ZNF483: variants seen among roughly 807,000 people sequenced by gnomAD.
ZNF483 encodes the protein zinc finger protein HIT-10.
Under a neutral mutation model 28.6 loss-of-function variants are expected in ZNF483, and 9 were observed. That is an observed-to-expected ratio of 0.32 (90% CI 0.19 to 0.55). The LOEUF is 0.55. Among genes scored for constraint, ZNF483 ranks in the 20% least tolerant of loss-of-function variants. The probability of loss-of-function intolerance (pLI) is 0.93; values close to 1 mark genes in which losing one functional copy is unlikely to be tolerated. For synonymous variants in ZNF483, 322 were observed against 306.2 expected (o/e 1.05, Z -0.54); for missense variants, 675 against 871.7 (o/e 0.77, Z 2.84).
In ZNF483 at chr9:111,563,039, G is replaced by A. The variant is rs886931230; in HGVS notation, c.722-13326G>A. On this transcript the variant is annotated intron_variant, in intron 5 of 5. Coordinates refer to the ZNF483 transcript ENST00000358151. ...GAGTACTATTTCTTAAGACATTTAAGGTAGTATACATTTTTGCTAAATGGT... is the reference window on the plus strand; with the variant it reads ...GAGTACTATTTCTTAAGACATTTAAAGTAGTATACATTTTTGCTAAATGGT... The A allele has an allele frequency of 4.0e-5, 62 of 1,542,618 alleles. No homozygotes were observed. The East Asian group carries it at 1.3e-3, about 32-fold the overall frequency.
Position 111,542,044 on chromosome 9 carries a change from A to G in ZNF483, c.1109A>G (p.His370Arg), listed in dbSNP as rs1338555914. Residue 370 changes from histidine (H) to arginine (R), a missense_variant, in exon 6 of 6, where the codon CAC (histidine) becomes CGC (arginine). By Grantham distance (29) the His-to-Arg change is conservative. Coordinates refer to ENST00000309235, the MANE Select transcript of ZNF483 (RefSeq NM_133464.5). This position sits in a 1 kb window ranked among gnomAD's most constrained non-coding sequence, Gnocchi z 6.2. Reference protein sequence around the residue: ...KSNDGGKVLSHSSALTEHQKR... With the variant: ...KSNDGGKVLSRSSALTEHQKR... ...AATGATGGTGGGAAAGTCCTGAGTCACTCTTCAGCTCTTACTGAACATCAG... is the reference window on the plus strand; with the variant it reads ...AATGATGGTGGGAAAGTCCTGAGTCGCTCTTCAGCTCTTACTGAACATCAG... The G allele has an allele frequency of 6.2e-7, 1 of 1,614,026 alleles. No individual in the cohort carries two copies. Among genetic ancestry groups the G allele is most frequent in the Non-Finnish European group, 8.5e-7 (1 of 1,179,962 alleles).
chr9:111,536,031 GGCAC>G (rs1057109803), intron 5 of ZNF483, among the ~76,000 whole-genome samples: 4 of 146,794 alleles, frequency 2.7e-5, no homozygotes, highest in African/African-American at 1.0e-4. Flanking sequence ...TGGGACTATA[GGCAC>G]GCGCCACCAC....
At chr9:111,564,542 G>GT (rs1162501770) in intron 5 of ZNF483, among the ~76,000 whole-genome samples, 1 of 151,708 alleles carries the variant, frequency 6.6e-6, no homozygotes, top group African/African-American at 2.4e-5. Flanking sequence ...CTAGGCTCAA[G>GT]TGATCCGCCC....
At chr9:111,570,252 G>A (rs1410290986) in intron 5 of ZNF483, 2 of 1,585,078 alleles carry the variant, frequency 1.3e-6, no homozygotes, top group South Asian at 1.2e-5. Flanking sequence ...ATCCAGGGAG[G>A]TGCCCATGGT....
At position 111,543,765 on chromosome 9, in the gene ZNF483, CTTTTTT is replaced by C; in HGVS notation, c.*600_*605del. 2 of 751,780 alleles carry C rather than the reference CTTTTTT, an allele frequency of 2.7e-6. No individual in the cohort carries two copies. The highest frequency in any genetic ancestry group is 3.2e-6 in the Non-Finnish European group (2 of 632,692). The allele number at this position is 751,780 out of a possible 1,614,324, so 46.6% of individuals were successfully genotyped here. ...CTATTCAGGATGCTGGACTTCTTTT[CTTTTTT>C]TTTTCTTTTTTTTTTTTCAATTTTT... On this transcript the variant is annotated 3_prime_UTR_variant, in exon 6 of 6. Transcript: ENST00000309235.
At chr9:111,559,598 T>A (rs933253752), downstream of ZNF483, among the ~76,000 whole-genome samples, 136 of 150,040 alleles carry the variant, frequency 9.1e-4, 4 homozygotes, top group Non-Finnish European at 3.7e-4. Flanking sequence ...ACACACACAC[T>A]CACACACACA....
At chr9:111,525,489 G>T (rs1341846874) in intron 1 of ZNF483, among the ~76,000 whole-genome samples, 1 of 92,376 alleles carries the variant, frequency 1.1e-5, no homozygotes, top group Non-Finnish European at 2.2e-5. Flanking sequence ...GCGGGATAAT[G>T]CCTTGTTTTG....
chr9:111,537,312 C>T (rs533642992), intron 5 of ZNF483, among the ~76,000 whole-genome samples: 86 of 152,148 alleles, frequency 5.7e-4, no homozygotes, highest in African/African-American at 2.0e-3. Flanking sequence ...GCCTCCACCT[C>T]CTGGGTTCAA....
exon 6 of ZNF483, chr9:111,576,521 G>A: frequency 4.8e-6 from 7 of 1,463,368 alleles, no homozygotes; most frequent in Non-Finnish European, 5.6e-6. Context: ...GCTGGATGGA[G>A]TATGAATCCC....
rs1026514875 is a variant in ZNF483, at chr9:111,546,906, C to G, written c.*3736C>G. Among the ~76,000 whole-genome samples the G allele has an allele frequency of 2.6e-5, 4 of 152,134 alleles. No individual in the cohort carries two copies. The highest frequency in any genetic ancestry group is 7.2e-5 in the African/African-American group (3 of 41,434). ...TCCTGTCTGTACAAATTTGACTGTTCTAATTACTTGGTATGAATGGAATCA... is the reference window on the plus strand; with the variant it reads ...TCCTGTCTGTACAAATTTGACTGTTGTAATTACTTGGTATGAATGGAATCA... On this transcript the variant is annotated 3_prime_UTR_variant, in exon 6 of 6. Transcript: ENST00000309235.
At chr9:111,570,314 G>T in intron 5 of ZNF483, 1 of 1,460,762 alleles carries the variant, frequency 6.8e-7, no homozygotes, top group South Asian at 1.5e-5. Flanking sequence ...GGAGTTTTTT[G>T]GTGCTTCTCC....
chr9:111,569,631 G>T (rs1182069908), intron 5 of ZNF483, among the ~76,000 whole-genome samples: 1 of 152,142 alleles, frequency 6.6e-6, no homozygotes, highest in Non-Finnish European at 1.5e-5. Context: ...TGGGCGTGGT[G>T]GTACACACCT....
chr9:111,538,492 A>AG (rs920531863), intron 5 of ZNF483, among the ~76,000 whole-genome samples: 1 of 125,482 alleles, frequency 8.0e-6, no homozygotes, highest in African/African-American at 3.0e-5. Context: ...CCCATCTCTT[A>AG]GAAAAAAAAA....
chr9:111,543,715 T>G lies in ZNF483; in HGVS notation c.*545T>G, dbSNP rs1827730800. ...TTTTTATTTGTCATTACTTTCAAGT[T>G]TCTCTAGTAAAAAATACAATACCAC... On this transcript the variant is annotated 3_prime_UTR_variant, in exon 6 of 6. Transcript: ENST00000309235. The G allele has an allele frequency of 1.0e-6, 1 of 971,824 alleles. No individual in the cohort carries two copies. The highest frequency in any genetic ancestry group is 1.2e-6 in the Non-Finnish European group (1 of 817,518). 60.2% of individuals were successfully genotyped at this position (971,824 alleles called of 1,614,324 possible).
At chr9:111,566,721 C>A (rs1828577174) in intron 5 of ZNF483, among the ~76,000 whole-genome samples, 1 of 152,146 alleles carries the variant, frequency 6.6e-6, no homozygotes, top group Non-Finnish European at 1.5e-5. Flanking sequence ...GCTTCATATA[C>A]TATTCTGGGG....
At chr9:111,559,100 C>A (rs1456980590), downstream of ZNF483, among the ~76,000 whole-genome samples, 1 of 152,124 alleles carries the variant, frequency 6.6e-6, no homozygotes, top group Non-Finnish European at 1.5e-5. Context: ...TAGAAGCTCC[C>A]CTCAGGCTCT....
At chr9:111,565,082 C>T (rs1435253763) in intron 5 of ZNF483, among the ~76,000 whole-genome samples, 1 of 152,048 alleles carries the variant, frequency 6.6e-6, no homozygotes, top group Non-Finnish European at 1.5e-5. Flanking sequence ...GGAGATCGCA[C>T]CATTGCACCC....
downstream of ZNF483, among the ~76,000 whole-genome samples, chr9:111,560,195 A>G (rs1391293290): frequency 2.0e-5 from 3 of 151,398 alleles, no homozygotes; most frequent in African/African-American, 7.3e-5. Context: ...AAATACAAAA[A>G]TCAGGCTGGG....
At chr9:111,532,419 A>G (rs1004618079) in intron 3 of ZNF483, among the ~76,000 whole-genome samples, 1 of 152,138 alleles carries the variant, frequency 6.6e-6, no homozygotes. Context: ...GAGAGGCAGG[A>G]GGAGATTGAA....
Sources: allele counts gnomAD v4.1 joint callset (sites outside exome capture counted in the v4.1 genomes callset), GRCh38; gene constraint gnomAD v4.1.1; non-coding constraint Gnocchi (gnomAD v3.1); transcripts MANE v1.5; gene names NCBI Gene and HGNC (gene_info 2026-07-23, HGNC 2026-07-21).